CACHD1: variants seen among roughly 807,000 people sequenced by gnomAD.
CACHD1 encodes the protein cache domain containing 1.
Under a neutral mutation model 138.7 loss-of-function variants are expected in CACHD1, and 71 were observed. The ratio of observed to expected loss-of-function variants is 0.51; its 90% CI spans 0.42 to 0.62. The LOEUF is 0.62. Ranked by LOEUF, CACHD1 falls within the 20% of genes least tolerant of loss-of-function variation. CACHD1 has a pLI of 0.00. For synonymous variants in CACHD1, 578 were observed against 591.5 expected (o/e 0.98, Z 0.33); for missense variants, 1,389 against 1,625.3 (o/e 0.85, Z 2.50).
At chr1:64,532,623 G>A (rs940818925) in intron 1 of CACHD1, among the ~76,000 whole-genome samples, 3 of 152,092 alleles carry the variant, frequency 2.0e-5, no homozygotes, top group African/African-American at 7.2e-5. Flanking sequence ...GAAAAGAAGG[G>A]CCAAGGACTG....
At chr1:64,537,950 A>C (rs1646646759) in intron 1 of CACHD1, among the ~76,000 whole-genome samples, 1 of 152,094 alleles carries the variant, frequency 6.6e-6, no homozygotes, top group East Asian at 1.9e-4. Flanking sequence ...AACCCTAAAA[A>C]CTTAAGAAAA....
intron 5 of CACHD1, among the ~76,000 whole-genome samples, chr1:64,632,256 GAAAAAAAA>G (rs55924104): frequency 4.6e-5 from 6 of 129,788 alleles, no homozygotes; most frequent in Non-Finnish European, 4.7e-5. Flanking sequence ...GCTTTTTTCT[GAAAAAAAA>G]AAAAAAAAAA....
At chr1:64,517,764 G>C (rs1038371852) in intron 1 of CACHD1, among the ~76,000 whole-genome samples, 2 of 152,174 alleles carry the variant, frequency 1.3e-5, no homozygotes, top group Non-Finnish European at 2.9e-5. Context: ...CTCAGGAGGA[G>C]GGACCTGGAC....
intron 1 of CACHD1, among the ~76,000 whole-genome samples, chr1:64,523,311 T>A (rs1646511823): frequency 6.6e-6 from 1 of 152,158 alleles, no homozygotes; most frequent in East Asian, 1.9e-4. Flanking sequence ...AATGGGTATG[T>A]GGGGGTTTAT....
chr1:64,472,519 T>C (rs1646151819), intron 1 of CACHD1, among the ~76,000 whole-genome samples: 1 of 152,238 alleles, frequency 6.6e-6, no homozygotes, highest in Non-Finnish European at 1.5e-5. Flanking sequence ...TTGATTTGCA[T>C]AATAATAGAT....
At chr1:64,691,292 C>T (rs1159987240) in intron 26 of CACHD1, 31 bp from the exon 27 acceptor site, 2 of 1,598,684 alleles carry the variant, frequency 1.3e-6, no homozygotes, top group Non-Finnish European at 1.7e-6. Flanking sequence ...TTGAAGCTCT[C>T]AGCTGTGTGT....
At chr1:64,550,804 C>A in intron 2 of CACHD1, 148 bp downstream of exon 2, 1 of 557,490 alleles carries the variant, frequency 1.8e-6, no homozygotes, top group Non-Finnish European at 3.2e-6. Flanking sequence ...ATGGTGACAA[C>A]CTTACACTTC....
At chr1:64,582,116 C>G (rs1312587701) in intron 2 of CACHD1, 40 bp from the exon 3 acceptor site, 1 of 1,608,124 alleles carries the variant, frequency 6.2e-7, no homozygotes, top group Admixed American at 1.7e-5. Context: ...GAGTTATTGT[C>G]TTGGACTTTC....
At chr1:64,550,907 T>G (rs1243340834) in intron 2 of CACHD1, among the ~76,000 whole-genome samples, 1 of 152,214 alleles carries the variant, frequency 6.6e-6, no homozygotes, top group Non-Finnish European at 1.5e-5. Context: ...GTTTTAAAAA[T>G]TCCTAAATGA....
chr1:64,591,691 AGT>A (rs1156416719), intron 3 of CACHD1, among the ~76,000 whole-genome samples: 4 of 152,222 alleles, frequency 2.6e-5, no homozygotes, highest in Non-Finnish European at 5.9e-5. Flanking sequence ...AACAACTAGA[AGT>A]AACTAGAACC....
At chr1:64,471,784 G>C (rs1011316237) in intron 1 of CACHD1, among the ~76,000 whole-genome samples, 5 of 151,986 alleles carry the variant, frequency 3.3e-5, no homozygotes, top group Non-Finnish European at 5.9e-5. Flanking sequence ...CCTCGGGAGA[G>C]GAAGGAGGGC....
At chr1:64,629,522 A>G in intron 5 of CACHD1, 41 bp downstream of exon 5, 1 of 1,595,732 alleles carries the variant, frequency 6.3e-7, no homozygotes, top group Non-Finnish European at 8.5e-7. Context: ...TTATTGCTTA[A>G]GAGTGATCTA....
intron 4 of CACHD1, among the ~76,000 whole-genome samples, chr1:64,603,963 C>T (rs751752485): frequency 6.6e-6 from 1 of 152,138 alleles, no homozygotes; most frequent in Non-Finnish European, 1.5e-5. Context: ...CACGGGAACC[C>T]CCCCAAAGAC....
At chr1:64,673,052 T>C (rs1649865702) in intron 17 of CACHD1, 106 bp from the exon 18 acceptor site, 1 of 917,202 alleles carries the variant, frequency 1.1e-6, no homozygotes, top group Admixed American at 2.0e-5. Context: ...GAACCTGGGA[T>C]AAATGCAGTT....
chr1:64,632,824 T>C (rs919710278), intron 6 of CACHD1, 81 bp downstream of exon 6: 1 of 1,478,834 alleles, frequency 6.8e-7, no homozygotes, highest in Non-Finnish European at 9.3e-7. Context: ...TTTTGTGATA[T>C]ACAGATCCTC....
At position 64,679,678 on chromosome 1, in the gene CACHD1, T is replaced by G; in HGVS notation, c.3328T>G (p.Leu1110Val). 9 of 1,614,188 alleles carry G rather than the reference T, an allele frequency of 5.6e-6. No homozygotes were observed. The highest frequency in any genetic ancestry group is 6.8e-6 in the Non-Finnish European group (8 of 1,180,024). Residue 1110 changes from leucine (L) to valine (V), a missense_variant, in exon 24 of 27, where the codon TTG (leucine) becomes GTG (valine). Leu to Val is a conservative substitution (Grantham distance 32). Around this residue, in one of 5 missense-constraint regions of CACHD1, gnomAD observed 250 missense variants for 292.9 expected, o/e 0.85. Coordinates refer to ENST00000651257, the MANE Select transcript of CACHD1 (RefSeq NM_020925.4). ...AGGIMGCIMVLVLAVYAYRHQ... is the reference protein window; with the variant it reads ...AGGIMGCIMVVVLAVYAYRHQ... Reference sequence around the variant, plus strand: ...AGGGATCATGGGATGCATCATGGTCTTGGTCCTGGCGGTGTATGCCTACCG... The same window carrying G: ...AGGGATCATGGGATGCATCATGGTCGTGGTCCTGGCGGTGTATGCCTACCG...
chr1:64,520,659 G>C (rs1391557546), intron 1 of CACHD1, among the ~76,000 whole-genome samples: 2 of 152,202 alleles, frequency 1.3e-5, no homozygotes, highest in Non-Finnish European at 2.9e-5. Flanking sequence ...TCACGCTGTA[G>C]GAGTAGACTT....
At chr1:64,550,263 G>A (rs542977538) in intron 1 of CACHD1, among the ~76,000 whole-genome samples, 51 of 152,094 alleles carry the variant, frequency 3.4e-4, no homozygotes, top group Non-Finnish European at 5.7e-4. Context: ...TTCAGGGAGC[G>A]CAGGATTTAA....
intron 1 of CACHD1, among the ~76,000 whole-genome samples, chr1:64,549,741 G>A (rs1646744341): frequency 1.3e-5 from 2 of 151,722 alleles, no homozygotes; most frequent in Admixed American, 6.6e-5. Flanking sequence ...CATCTGGAGA[G>A]TTCAGTGGTA....
Sources: gnomAD v4.1 joint callset for allele counts (sites outside exome capture counted in the v4.1 genomes callset) on GRCh38, gnomAD v4.1.1 for gene constraint, gnomAD v4.1.1 regional missense constraint, MANE v1.5 for transcripts, NCBI Gene and HGNC (gene_info 2026-07-23, HGNC 2026-07-21) for gene names.